OCA2: variants seen among roughly 807,000 people sequenced by gnomAD.
The protein encoded by OCA2 is P protein.
A neutral mutation model predicts 100.2 loss-of-function variants in OCA2; 77 were observed. The observed-to-expected ratio is 0.77, with a 90% CI of 0.64 to 0.93. OCA2 has a LOEUF of 0.93. Among genes scored for constraint, OCA2 ranks in the 40% least tolerant of loss-of-function variants. The probability of loss-of-function intolerance (pLI) is 0.00; values close to 1 mark genes in which losing one functional copy is unlikely to be tolerated. For missense variants in OCA2, 1,062 were observed against 1,089.1 expected (o/e 0.98, Z 0.35); for synonymous variants, 432 against 439.2 (o/e 0.98, Z 0.21).
Position 27,989,582 on chromosome 15 carries a change from C to CG in OCA2, c.1182+18dup. Reference sequence around the variant, plus strand: ...ACCGCAGGCGTGGAGCCCAGTCCCACGGGGAGAGCTGTAATTACCATGCCA... The same window carrying CG: ...ACCGCAGGCGTGGAGCCCAGTCCCACGGGGGAGAGCTGTAATTACCATGCCA... On this transcript the variant is annotated intron_variant, in intron 11 of 23. Transcript: ENST00000354638. The CG allele has an allele frequency of 6.2e-7, 1 of 1,611,472 alleles. No homozygotes were observed. The highest frequency in any genetic ancestry group is 8.5e-7 in the Non-Finnish European group (1 of 1,177,672).
At chr15:28,090,149 T>C (rs924641800) in intron 1 of OCA2, among the ~76,000 whole-genome samples, 1 of 152,110 alleles carries the variant, frequency 6.6e-6, no homozygotes, top group African/African-American at 2.4e-5. Flanking sequence ...CAAGAAGACA[T>C]AGAAATCCTA....
chr15:27,804,039 T>C (rs1034689721), intron 23 of OCA2, among the ~76,000 whole-genome samples: 1 of 152,354 alleles, frequency 6.6e-6, no homozygotes, highest in African/African-American at 2.4e-5. Flanking sequence ...TGAAAACTTA[T>C]CAAATTTTAC....
intron 23 of OCA2, among the ~76,000 whole-genome samples, chr15:27,818,333 G>A (rs1478734181): frequency 6.6e-6 from 1 of 152,182 alleles, no homozygotes; most frequent in Non-Finnish European, 1.5e-5. Context: ...AGGTTGCAGT[G>A]AGCCGGGATC....
chr15:28,018,500 G>A lies in OCA2; in HGVS notation c.704C>T (p.Ala235Val). 6.2e-7 allele frequency: 1 copy of A among 1,613,716 alleles called. No individual in the cohort carries two copies. Among genetic ancestry groups the A allele is most frequent in the Non-Finnish European group, 8.5e-7 (1 of 1,179,910 alleles). The change falls in exon 7 of 24, where the codon GCC becomes GTC. Residue 235 changes from alanine to valine, a missense_variant. Ala to Val is a moderately conservative substitution (Grantham distance 64, BLOSUM62 0). Transcript: ENST00000354638. ...ACGACTCGGCCCACTGGCCACTAGG[G>A]CCCCTGCCAGGTCCACCTGCAGCAG... ...STLLQVDLAGALVASGPSRPG... is the reference protein window; with the variant it reads ...STLLQVDLAGVLVASGPSRPG...
intron 23 of OCA2, among the ~76,000 whole-genome samples, chr15:27,765,317 G>A (rs541492495): frequency 1.3e-5 from 2 of 152,138 alleles, no homozygotes; most frequent in African/African-American, 2.4e-5. Context: ...ACAAGATAAC[G>A]AGGGAATTCT....
intron 19 of OCA2, among the ~76,000 whole-genome samples, chr15:27,887,986 G>A (rs941600334): frequency 1.3e-5 from 2 of 152,102 alleles, no homozygotes; most frequent in African/African-American, 4.8e-5. Flanking sequence ...CAGGCCAAGA[G>A]ACACCCAGGT....
chr15:28,058,853 G>C (rs192334402), intron 2 of OCA2, among the ~76,000 whole-genome samples: 3 of 152,276 alleles, frequency 2.0e-5, no homozygotes, highest in African/African-American at 7.2e-5. Flanking sequence ...AGGTGTGCAG[G>C]GGAGAGTCTG....
intron 9 of OCA2, among the ~76,000 whole-genome samples, chr15:27,992,047 A>C (rs1032417449): frequency 2.6e-5 from 4 of 151,498 alleles, no homozygotes; most frequent in Non-Finnish European, 5.9e-5. Context: ...ATAACTTGCT[A>C]CCAAACTCTA....
chr15:28,066,778 T>C (rs780185225), intron 2 of OCA2, among the ~76,000 whole-genome samples: 1 of 152,158 alleles, frequency 6.6e-6, no homozygotes, highest in African/African-American at 2.4e-5. Flanking sequence ...TTGCCATCTA[T>C]TGCATCTAAA....
At chr15:27,886,997 G>A (rs181732210) in intron 19 of OCA2, among the ~76,000 whole-genome samples, 26 of 152,160 alleles carry the variant, frequency 1.7e-4, no homozygotes, top group African/African-American at 6.0e-4. Context: ...ATCATGGGGG[G>A]CTGCTCTTTC....
intron 19 of OCA2, among the ~76,000 whole-genome samples, chr15:27,896,970 T>C (rs1186921484): frequency 6.6e-6 from 1 of 151,966 alleles, no homozygotes; most frequent in Non-Finnish European, 1.5e-5. Flanking sequence ...GTGGGCGGAT[T>C]ACGAGGTCAG....
chr15:28,033,579 C>T (rs2042968503), intron 2 of OCA2, among the ~76,000 whole-genome samples: 1 of 152,106 alleles, frequency 6.6e-6, no homozygotes, highest in South Asian at 2.1e-4. Flanking sequence ...CATCTCTGGG[C>T]AGCACTGGGC....
intron 2 of OCA2, among the ~76,000 whole-genome samples, chr15:28,033,668 A>G (rs1254652972): frequency 1.3e-5 from 2 of 152,144 alleles, no homozygotes; most frequent in Non-Finnish European, 2.9e-5. Context: ...AGGGCAGGAG[A>G]GAGAATTACA....
chr15:27,938,276 C>T lies in OCA2; in HGVS notation c.1952-12022G>A, dbSNP rs116073866. On this transcript the variant is annotated intron_variant, in intron 18 of 23. Transcript: ENST00000354638. ...CTGTGCAGGAGGGGAAGAAGATACA[C>T]ACCTGCCTCAGCTTACGTGCCACCT... Among the ~76,000 whole-genome samples, 305 of 152,242 alleles carry T rather than the reference C, an allele frequency of 2.0e-3. 1 individual carries two copies. The highest frequency in any genetic ancestry group is 6.9e-3 in the African/African-American group (288 of 41,550).
At chr15:28,072,520 G>A (rs2044293729) in intron 2 of OCA2, among the ~76,000 whole-genome samples, 1 of 149,724 alleles carries the variant, frequency 6.7e-6, no homozygotes, top group Non-Finnish European at 1.5e-5. Flanking sequence ...AACCTGGAAG[G>A]CAGAGCTTGC....
intron 22 of OCA2, among the ~76,000 whole-genome samples, chr15:27,845,451 A>G (rs1018365411): frequency 1.3e-5 from 2 of 152,202 alleles, no homozygotes; most frequent in African/African-American, 4.8e-5. Context: ...AGGCCCACAC[A>G]CTAGGAAACT....
intron 23 of OCA2, among the ~76,000 whole-genome samples, chr15:27,814,943 GA>G (rs1566985921): frequency 1.8e-4 from 22 of 121,848 alleles, no homozygotes; most frequent in African/African-American, 6.0e-4. Flanking sequence ...TAGATAGATA[GA>G]TACAGAGATA....
At chr15:27,757,021 C>T (rs71465251) in intron 23 of OCA2, among the ~76,000 whole-genome samples, 8,067 of 152,306 alleles carry the variant, frequency 0.053, 301 homozygotes, top group South Asian at 0.13. Flanking sequence ...CCTACTCTCC[C>T]TCACAACACC....
At chr15:27,973,165 C>T (rs1178747113) in intron 14 of OCA2, among the ~76,000 whole-genome samples, 2 of 152,138 alleles carry the variant, frequency 1.3e-5, no homozygotes, top group East Asian at 3.9e-4. Flanking sequence ...CCACCATGCC[C>T]AGTCTGCATT....
Sources: gnomAD v4.1 joint callset for allele counts (sites outside exome capture counted in the v4.1 genomes callset) on GRCh38, gnomAD v4.1.1 for gene constraint, MANE v1.5 for transcripts, NCBI Gene and HGNC (gene_info 2026-07-23, HGNC 2026-07-21) for gene names.